TMEM74: variants seen among roughly 807,000 people sequenced by gnomAD.
TMEM74 encodes transmembrane protein 74.
TMEM74 carries 13 observed loss-of-function variants against 18.1 expected under a neutral mutation model. The observed-to-expected ratio is 0.72, with a 90% CI of 0.47 to 1.14. The LOEUF (loss-of-function observed/expected upper bound fraction) is 1.14. Ranked by LOEUF, TMEM74 falls within the 50% of genes most tolerant of loss-of-function variation. The pLI, the probability that TMEM74 is intolerant of heterozygous loss-of-function variation, is 0.00. For missense variants in TMEM74, 372 were observed against 375.9 expected (o/e 0.99, Z 0.09); for synonymous variants, 159 against 146.6 (o/e 1.08, Z -0.61).
Position 108,784,775 on chromosome 8 carries a change from T to A in TMEM74, c.324A>T (p.Glu108Asp). The part of the protein sequence containing the change: ...KVCNCCSQEL[E>D]TSFTYVDKNI... ...TTTTGTCCACATAGGTAAAAGAAGT[T>A]TCTAATTCCTGGCTGCAGCAGTTAC... Residue 108 changes from glutamate (E) to aspartate (D), a missense_variant, in exon 2 of 2, where the codon GAA becomes GAT. Transcript: ENST00000297459. 1 of 1,614,182 alleles carries A rather than the reference T, an allele frequency of 6.2e-7. No homozygotes were observed. Among genetic ancestry groups the A allele is most frequent in the South Asian group, 1.1e-5 (1 of 91,084 alleles).
In TMEM74 at chr8:108,634,036, C is replaced by T. The variant is rs983917750; in HGVS notation, n.264+21257G>A. ...CCAAAGAGAGAAAAGCAATTTACCACGTAGAAGATGACAAAAGTTACCGGC... is the reference window on the plus strand; with the variant it reads ...CCAAAGAGAGAAAAGCAATTTACCATGTAGAAGATGACAAAAGTTACCGGC... On this transcript the variant is annotated intron_variant and non_coding_transcript_variant, in intron 2 of 3. Transcript: ENST00000518838. 3.9e-5 allele frequency among the ~76,000 whole-genome samples: 6 copies of T among 151,960 alleles called. No individual in the cohort carries two copies. The South Asian group carries it at 6.2e-4, about 16-fold the overall frequency.
intron 1 of TMEM74, among the ~76,000 whole-genome samples, chr8:108,657,904 T>TATA (rs1563742387): frequency 1.8e-5 from 2 of 109,844 alleles, no homozygotes; most frequent in South Asian, 2.8e-4. Flanking sequence ...ATATATATAT[T>TATA]AATTACATAT....
chr8:108,707,073 A>G (rs1813422925), intron 1 of TMEM74, among the ~76,000 whole-genome samples: 1 of 151,616 alleles, frequency 6.6e-6, no homozygotes, highest in South Asian at 2.1e-4. Flanking sequence ...TTCTGAGCAA[A>G]CAATCACAAG....
chr8:108,727,610 A>ATT (rs1249333511), intron 1 of TMEM74, among the ~76,000 whole-genome samples: 3 of 152,218 alleles, frequency 2.0e-5, no homozygotes, highest in Non-Finnish European at 2.9e-5. Flanking sequence ...TTTCATAGAT[A>ATT]TATAAGTAGA....
chr8:108,703,632 T>C (rs138354807), intron 1 of TMEM74, among the ~76,000 whole-genome samples: 67 of 152,342 alleles, frequency 4.4e-4, no homozygotes, highest in African/African-American at 1.5e-3. Context: ...GTTTCATACT[T>C]ATGCCTGTGG....
intron 1 of TMEM74, among the ~76,000 whole-genome samples, chr8:108,716,257 G>A (rs1296369108): frequency 1.3e-5 from 2 of 152,004 alleles, no homozygotes; most frequent in African/African-American, 4.8e-5. Context: ...TATGCAATAT[G>A]TTCCATGATG....
chr8:108,783,588 T>C lies in TMEM74; in HGVS notation c.*593A>G, dbSNP rs1814335464. On this transcript the variant is annotated 3_prime_UTR_variant, in exon 2 of 2. Transcript: ENST00000297459. ...GTTTATCCTAATGACTTAATTACCA[T>C]TTTTGAAAACAGGAATAATTTCAAA... 6.6e-6 allele frequency: 1 copy of C among 152,204 alleles called. No homozygotes were observed. The allele number at this position is 152,204 out of a possible 1,614,324, so 9.4% of individuals were successfully genotyped here.
intron 2 of TMEM74, among the ~76,000 whole-genome samples, chr8:108,622,980 C>T (rs1474557447): frequency 3.9e-5 from 6 of 151,962 alleles, no homozygotes; most frequent in Non-Finnish European, 5.9e-5. Context: ...AGTTTAGAAT[C>T]AGAAATCATA....
chr8:108,684,693 G>GTTT (rs34098450), intron 1 of TMEM74, among the ~76,000 whole-genome samples: 37 of 147,406 alleles, frequency 2.5e-4, no homozygotes, highest in African/African-American at 3.2e-4. Context: ...TTTTCTAATA[G>GTTT]TTTTTTTTTT....
At chr8:108,701,980 A>G (rs2349205) in intron 1 of TMEM74, among the ~76,000 whole-genome samples, 109,354 of 151,894 alleles carry the variant, frequency 0.72, 40,568 homozygotes, top group African/African-American at 0.91. Flanking sequence ...TTGGGCAGTT[A>G]ACACTACCCA....
chr8:108,636,787 T>C (rs1324985585), intron 2 of TMEM74, among the ~76,000 whole-genome samples: 2 of 147,042 alleles, frequency 1.4e-5, no homozygotes, highest in Non-Finnish European at 2.9e-5. Flanking sequence ...CCTGAGGAAG[T>C]GGCCGAGTAA....
intron 1 of TMEM74, among the ~76,000 whole-genome samples, chr8:108,677,933 T>C (rs79196311): frequency 2.0e-5 from 3 of 152,260 alleles, no homozygotes; most frequent in East Asian, 1.9e-4. Context: ...TTTATTGTTA[T>C]TTTTTTCTAT....
At chr8:108,637,405 C>T (rs1317001755) in intron 2 of TMEM74, among the ~76,000 whole-genome samples, 1 of 152,078 alleles carries the variant, frequency 6.6e-6, no homozygotes, top group Non-Finnish European at 1.5e-5. Context: ...TGTTATTTTA[C>T]ATTGAAAAAG....
chr8:108,654,591 G>A (rs1463574397), intron 2 of TMEM74, among the ~76,000 whole-genome samples: 1 of 152,090 alleles, frequency 6.6e-6, no homozygotes. Flanking sequence ...CAAGAAGAAG[G>A]AGAAGACCAG....
At chr8:108,639,109 A>G (rs1470949268) in intron 2 of TMEM74, among the ~76,000 whole-genome samples, 1 of 152,134 alleles carries the variant, frequency 6.6e-6, no homozygotes, top group Non-Finnish European at 1.5e-5. Context: ...GGGTAATCGC[A>G]GAAGCCTGAG....
At chr8:108,621,940 C>T (rs922813751) in intron 2 of TMEM74, among the ~76,000 whole-genome samples, 1 of 152,084 alleles carries the variant, frequency 6.6e-6, no homozygotes, top group Non-Finnish European at 1.5e-5. Flanking sequence ...GATGGAGATG[C>T]ATATTGCCTT....
intron 1 of TMEM74, among the ~76,000 whole-genome samples, chr8:108,708,825 A>C (rs1346060343): frequency 6.6e-6 from 1 of 150,392 alleles, no homozygotes; most frequent in Non-Finnish European, 1.5e-5. Flanking sequence ...AAAAAAAAAA[A>C]AAAAAAACCA....
Position 108,784,763 on chromosome 8 carries a change from G to A in TMEM74, c.336C>T (p.Thr112=). Residue 112 remains threonine, a synonymous_variant, in exon 2 of 2, where the codon ACC becomes ACT. Coordinates refer to ENST00000297459, the MANE Select transcript of TMEM74 (RefSeq NM_153015.3). ...CCSQELETSF[T]YVDKNINLEQ... ...CCAAGTTGATGTTTTTGTCCACATA[G>A]GTAAAAGAAGTTTCTAATTCCTGGC... is the stretch of plus-strand genomic sequence containing the variant. 1 of 1,614,164 alleles carries A rather than the reference G, an allele frequency of 6.2e-7. No homozygotes were observed. The highest frequency in any genetic ancestry group is 8.5e-7 in the Non-Finnish European group (1 of 1,180,018).
intron 1 of TMEM74, among the ~76,000 whole-genome samples, chr8:108,656,985 TC>T (rs981682626): frequency 1.8e-4 from 27 of 152,122 alleles, no homozygotes; most frequent in African/African-American, 5.5e-4. Flanking sequence ...AGCTGAGAAA[TC>T]ATAACAAATG....
Sources: allele counts gnomAD v4.1 joint callset (sites outside exome capture counted in the v4.1 genomes callset), GRCh38; gene constraint gnomAD v4.1.1; transcripts MANE v1.5; gene names NCBI Gene and HGNC (gene_info 2026-07-23, HGNC 2026-07-21).